MLXIP: variants seen among roughly 807,000 people sequenced by gnomAD.
MLXIP encodes the protein MLX-interacting protein.
A neutral mutation model predicts 87.2 loss-of-function variants in MLXIP; 30 were observed. The observed-to-expected ratio is 0.34, with a 90% CI of 0.26 to 0.47. The LOEUF is 0.47. Among genes scored for constraint, MLXIP ranks in the 20% least tolerant of loss-of-function variants. MLXIP has a pLI of 1.00. For missense variants in MLXIP, 1,002 were observed against 1,240.1 expected (o/e 0.81, Z 2.88); for synonymous variants, 530 against 514.0 (o/e 1.03, Z -0.42).
intron 1 of MLXIP, among the ~76,000 whole-genome samples, chr12:122,093,084 G>A (rs1952272339): frequency 7.7e-6 from 1 of 130,546 alleles, no homozygotes; most frequent in Non-Finnish European, 1.7e-5. Context: ...TGTTTGCTGT[G>A]TGTGTTGGTG....
intron 1 of MLXIP, among the ~76,000 whole-genome samples, chr12:122,123,430 AG>A (rs1197231984): frequency 6.6e-6 from 1 of 152,112 alleles, no homozygotes; most frequent in Non-Finnish European, 1.5e-5. Context: ...CGGTGATCCC[AG>A]TTGGGAGTTC....
rs773828300 is a variant in MLXIP at position 122,140,934 on chromosome 12, T to C, written c.2509-20T>C. On this transcript the variant is annotated intron_variant, in intron 15 of 16. Transcript: ENST00000319080. Reference sequence around the variant, plus strand: ...CCAGCCCCTCTCCGTGCTTGCCTTTTCTTTAACCACACACTGCAGTTCAGC... The same window carrying C: ...CCAGCCCCTCTCCGTGCTTGCCTTTCCTTTAACCACACACTGCAGTTCAGC... 11 of 1,613,862 alleles carry C rather than the reference T, an allele frequency of 6.8e-6. No individual in the cohort carries two copies. Among genetic ancestry groups the C allele is most frequent in the Non-Finnish European group, 9.3e-6 (11 of 1,179,894 alleles).
chr12:122,115,352 C>T (rs1593089118), intron 1 of MLXIP, among the ~76,000 whole-genome samples: 2 of 151,954 alleles, frequency 1.3e-5, no homozygotes, highest in Admixed American at 1.3e-4. Flanking sequence ...CTTTGGGAGG[C>T]CGAGGCAGGT....
At chr12:122,090,161 C>T (rs1952224051) in intron 1 of MLXIP, among the ~76,000 whole-genome samples, 1 of 152,124 alleles carries the variant, frequency 6.6e-6, no homozygotes, top group South Asian at 2.1e-4. Context: ...CAGTATATGC[C>T]ACAACATGGA....
chr12:122,079,285 C>A lies in MLXIP; in HGVS notation c.413+19C>A, dbSNP rs966909129. 1.9e-6 allele frequency: 3 copies of A among 1,544,204 alleles called. No homozygotes were observed. The highest frequency in any genetic ancestry group is 2.6e-6 in the Non-Finnish European group (3 of 1,143,088). ...CCTACAGGTAGGGACCCCCGCGACC[C>A]CCTGAGGCCCCGGCCGGAGGCCCTT... On this transcript the variant is annotated intron_variant, in intron 1 of 16. Transcript: ENST00000319080.
At position 122,135,121 on chromosome 12, in the gene MLXIP, G is replaced by C. The variant is rs1565986440; in HGVS notation, c.1733-103G>C. On this transcript the variant is annotated intron_variant, in intron 9 of 16. Transcript: ENST00000319080. This position sits in a 1 kb window ranked among gnomAD's most constrained non-coding sequence, Gnocchi z 5.3. ...GGTGGCTTTGTCTTCCTGTCCCCTG[G>C]GGTTGAGAACAAGCTGTCTCACTGG... 2 of 1,438,950 alleles carry C rather than the reference G, an allele frequency of 1.4e-6. No individual in the cohort carries two copies. Among genetic ancestry groups the C allele is most frequent in the Middle Eastern group, 1.7e-4 (1 of 5,822 alleles). The allele number at this position is 1,438,950 out of a possible 1,614,324, so 89.1% of individuals were successfully genotyped here.
intron 1 of MLXIP, among the ~76,000 whole-genome samples, chr12:122,086,436 G>A (rs1320994417): frequency 6.6e-6 from 1 of 152,136 alleles, no homozygotes; most frequent in Non-Finnish European, 1.5e-5. Context: ...TCTGTAAAGT[G>A]GATCCTTGTT....
rs533158478 is a variant in MLXIP, at chr12:122,144,450, G to T, written c.*2638G>T. ...AAAAAAAAAAAAAAAAAATTTAGCC[G>T]TGTGTAGCAGTGAGTGCCTGTGGTC... On this transcript the variant is annotated 3_prime_UTR_variant, in exon 17 of 17. Transcript: ENST00000319080. 6.6e-6 allele frequency: 1 copy of T among 151,086 alleles called. No individual in the cohort carries two copies. Among genetic ancestry groups the T allele is most frequent in the Admixed American group, 6.6e-5 (1 of 15,124 alleles). 9.4% of individuals were successfully genotyped at this position (151,086 alleles called of 1,614,324 possible).
At chr12:122,123,955 T>C (rs11609875) in intron 1 of MLXIP, among the ~76,000 whole-genome samples, 76,828 of 152,008 alleles carry the variant, frequency 0.51, 19,942 homozygotes, top group Middle Eastern at 0.64. Context: ...GTGTGGGCTT[T>C]GTCGAGCTGG....
At chr12:122,134,135 T>C in intron 9 of MLXIP, 148 bp downstream of exon 9, 1 of 961,658 alleles carries the variant, frequency 1.0e-6, no homozygotes, top group Non-Finnish European at 1.5e-6. Context: ...GAAACAAAAG[T>C]GTCATGAAAT....
At position 122,102,754 on chromosome 12, in the gene MLXIP, C is replaced by G. The variant is rs185250855; in HGVS notation, c.413+23488C>G. Among the ~76,000 whole-genome samples the G allele has an allele frequency of 3.4e-3, 512 of 152,294 alleles. 12 individuals are homozygous for G. The highest frequency in any genetic ancestry group is 0.025 in the Admixed American group (381 of 15,284). ...AACAGGAATGGAATGCTGACACATG[C>G]TACAACATGGATGAGCCTTGAAAAC... On this transcript the variant is annotated intron_variant, in intron 1 of 16. Coordinates refer to ENST00000319080, the MANE Select transcript of MLXIP (RefSeq NM_014938.6).
chr12:122,125,865 G>T (rs1031540565), intron 1 of MLXIP, among the ~76,000 whole-genome samples: 1 of 152,208 alleles, frequency 6.6e-6, no homozygotes, highest in Non-Finnish European at 1.5e-5. Flanking sequence ...TAGGCACAAG[G>T]GTCCTGCCAG....
chr12:122,094,186 G>A (rs1333007739), intron 1 of MLXIP, among the ~76,000 whole-genome samples: 2 of 107,004 alleles, frequency 1.9e-5, no homozygotes, highest in Non-Finnish European at 4.2e-5. Flanking sequence ...GTGTTGGTGT[G>A]TGTTGTGTGT....
chr12:122,094,100 G>T (rs1952301165), intron 1 of MLXIP, among the ~76,000 whole-genome samples: 1 of 144,342 alleles, frequency 6.9e-6, no homozygotes, highest in Non-Finnish European at 1.5e-5. Context: ...GTGTGGTGGT[G>T]TGTGTGTGGT....
Position 122,078,811 on chromosome 12 carries a change from G to T in MLXIP, c.-43G>T. ...CCCCTCTGCCTCGCGCGCTTGTCGC[G>T]TTGCCCCGGGCTCCGGGGGATGCCC... On this transcript the variant is annotated 5_prime_UTR_variant, in exon 1 of 17. Transcript: ENST00000319080. 1.9e-6 allele frequency: 2 copies of T among 1,035,204 alleles called. No homozygotes were observed. Among genetic ancestry groups the T allele is most frequent in the Non-Finnish European group, 2.3e-6 (2 of 863,696 alleles). 64.1% of individuals were successfully genotyped at this position (1,035,204 alleles called of 1,614,324 possible).
intron 1 of MLXIP, among the ~76,000 whole-genome samples, chr12:122,080,672 T>C (rs1232160014): frequency 6.6e-6 from 1 of 152,178 alleles, no homozygotes; most frequent in African/African-American, 2.4e-5. Context: ...GATTCTCTGG[T>C]CTTGCCAGTT....
intron 1 of MLXIP, among the ~76,000 whole-genome samples, chr12:122,126,806 C>G (rs1952888731): frequency 6.6e-6 from 1 of 152,228 alleles, no homozygotes; most frequent in South Asian, 2.1e-4. Context: ...CTGCCCCTCT[C>G]TGGAAACAAG....
Position 122,078,891 on chromosome 12 carries a change from C to A in MLXIP, c.38C>A (p.Pro13His). 1 of 1,142,674 alleles carries A rather than the reference C, an allele frequency of 8.8e-7. No homozygotes were observed. 70.8% of individuals were successfully genotyped at this position (1,142,674 alleles called of 1,614,324 possible). The change falls in exon 1 of 17, where the codon CCT becomes CAT. Residue 13 changes from proline to histidine, a missense_variant. Physicochemically the swap from Pro to His is moderately conservative, Grantham distance 77 (BLOSUM62 -2). Around this residue, in one of 3 missense-constraint regions of MLXIP, gnomAD observed 129 missense variants for 104.2 expected, o/e 1.24. Transcript: ENST00000319080. ...GTCTTCATGTGCTCCCCGCGCCGGC[C>A]TCGCAGCCGGGGCCGCCAGGTGCTG... ...ADVFMCSPRR[P>H]RSRGRQVLLK...
chr12:122,136,737 C>T (rs544069803), intron 11 of MLXIP: 1 of 152,286 alleles, frequency 6.6e-6, no homozygotes, highest in Non-Finnish European at 1.5e-5. Context: ...TTAGTGGGCT[C>T]AGCCAGCAGG....
Sources: allele counts gnomAD v4.1 joint callset (sites outside exome capture counted in the v4.1 genomes callset), GRCh38; gene constraint gnomAD v4.1.1; regional missense constraint gnomAD v4.1.1; non-coding constraint Gnocchi (gnomAD v3.1); transcripts MANE v1.5; gene names NCBI Gene and HGNC (gene_info 2026-07-23, HGNC 2026-07-21).